THSD7A: variants seen among roughly 807,000 people sequenced by gnomAD.
THSD7A encodes thrombospondin type-1 domain-containing protein 7A.
THSD7A carries 96 observed loss-of-function variants against 231.3 expected under a neutral mutation model. The observed-to-expected ratio is 0.41, with a 90% CI of 0.35 to 0.49. THSD7A has a LOEUF of 0.49. Among genes scored for constraint, THSD7A ranks in the 20% least tolerant of loss-of-function variants. The pLI, the probability that THSD7A is intolerant of heterozygous loss-of-function variation, is 0.05. For missense variants in THSD7A, 2,290 were observed against 2,070.2 expected, an observed-to-expected ratio of 1.11 and a Z score of -2.06; for synonymous variants, 940 against 743.3, an observed-to-expected ratio of 1.26 and a Z score of -4.30.
chr7:11,474,411 C>T lies in THSD7A; in HGVS notation c.2175G>A (p.Glu725=), dbSNP rs756100691. The T allele has an allele frequency of 6.2e-7, 1 of 1,613,612 alleles. No homozygotes were observed. Among genetic ancestry groups the T allele is most frequent in the South Asian group, 1.1e-5 (1 of 91,070 alleles). ...TCTGCATGCCGACAGAGCAGGAGGCCTCCCCATTCCAAGTCGTAGTTGTGT... is the reference window on the plus strand; with the variant it reads ...TCTGCATGCCGACAGAGCAGGAGGCTTCCCCATTCCAAGTCGTAGTTGTGT... ...SFNTTTTWNG[E]ASCSVGMQTR... is the part of the protein sequence containing the mutation. Residue 725 remains glutamate, a synonymous_variant, in exon 8 of 28, where the codon GAG becomes GAA. Transcript: ENST00000423059. This position sits in a 1 kb window ranked among gnomAD's most constrained non-coding sequence, Gnocchi z 4.1.
intron 1 of THSD7A, among the ~76,000 whole-genome samples, chr7:11,661,399 T>A (rs893935585): frequency 1.3e-5 from 2 of 151,430 alleles, no homozygotes; most frequent in East Asian, 1.9e-4. Context: ...AGCTATCAGA[T>A]CTGTACTTTA....
chr7:11,655,003 A>G (rs994027308), intron 1 of THSD7A, among the ~76,000 whole-genome samples: 4 of 151,872 alleles, frequency 2.6e-5, no homozygotes, highest in Non-Finnish European at 5.9e-5. Context: ...GCAACGTTTT[A>G]TAGCCAAGAT....
intron 1 of THSD7A, among the ~76,000 whole-genome samples, chr7:11,758,339 A>G (rs769267216): frequency 3.7e-4 from 57 of 152,198 alleles, no homozygotes; most frequent in African/African-American, 1.3e-3. Flanking sequence ...AATGCTAGAT[A>G]AAATATAACA....
At chr7:11,776,730 G>A (rs1049832453) in intron 1 of THSD7A, among the ~76,000 whole-genome samples, 8 of 152,172 alleles carry the variant, frequency 5.3e-5, no homozygotes, top group African/African-American at 1.9e-4. Flanking sequence ...AAACATGGAA[G>A]TATTCTGGGA....
chr7:11,776,980 T>C (rs1010958119), intron 1 of THSD7A, among the ~76,000 whole-genome samples: 1 of 152,208 alleles, frequency 6.6e-6, no homozygotes, highest in African/African-American at 2.4e-5. Flanking sequence ...CCATTGTACG[T>C]TTGTTCATTT....
intron 4 of THSD7A, among the ~76,000 whole-genome samples, chr7:11,552,619 C>T (rs182075018): frequency 3.4e-4 from 52 of 152,032 alleles, no homozygotes; most frequent in Non-Finnish European, 1.8e-4. Context: ...GAAAAGCAGC[C>T]CCACATCATT....
At chr7:11,449,633 T>G (rs374858892) in intron 11 of THSD7A, among the ~76,000 whole-genome samples, 1 of 151,884 alleles carries the variant, frequency 6.6e-6, no homozygotes, top group African/African-American at 2.4e-5. Flanking sequence ...AAAAAGAACA[T>G]CCATATAGTT....
chr7:11,515,012 C>T (rs78625429), intron 6 of THSD7A, among the ~76,000 whole-genome samples: 1,872 of 152,136 alleles, frequency 0.012, 81 homozygotes, highest in East Asian at 0.11. Flanking sequence ...CATTTGAATC[C>T]GTCTTCTTTT....
intron 2 of THSD7A, among the ~76,000 whole-genome samples, chr7:11,596,367 G>C (rs1486232526): frequency 1.3e-5 from 2 of 152,158 alleles, no homozygotes; most frequent in Non-Finnish European, 2.9e-5. Flanking sequence ...ATTGAGGTCA[G>C]GTAACTAATG....
intron 23 of THSD7A, among the ~76,000 whole-genome samples, chr7:11,385,881 C>T (rs909716072): frequency 6.6e-6 from 1 of 152,170 alleles, no homozygotes; most frequent in African/African-American, 2.4e-5. Context: ...CCTCCACCCC[C>T]TCACAGGAAC....
chr7:11,799,723 G>A (rs1319020722), intron 1 of THSD7A, among the ~76,000 whole-genome samples: 1 of 152,048 alleles, frequency 6.6e-6, no homozygotes, highest in East Asian at 1.9e-4. Flanking sequence ...TATGCATATT[G>A]ACACAATTTG....
intron 1 of THSD7A, among the ~76,000 whole-genome samples, chr7:11,778,106 G>A (rs1251542215): frequency 1.6e-5 from 2 of 123,852 alleles, no homozygotes; most frequent in Admixed American, 2.0e-4. Context: ...GCAGTGAGCC[G>A]AGATCCCGCC....
chr7:11,815,731 C>G (rs148346509), intron 1 of THSD7A, among the ~76,000 whole-genome samples: 30 of 152,200 alleles, frequency 2.0e-4, no homozygotes, highest in African/African-American at 4.8e-4. Context: ...TTCTTTCATT[C>G]CTGGCAATAT....
intron 2 of THSD7A, among the ~76,000 whole-genome samples, chr7:11,609,152 G>C (rs1365170126): frequency 6.6e-6 from 1 of 152,066 alleles, no homozygotes; most frequent in African/African-American, 2.4e-5. Context: ...AACCTACACT[G>C]TCTGGCTCAG....
intron 23 of THSD7A, among the ~76,000 whole-genome samples, chr7:11,392,243 G>A: frequency 6.6e-6 from 1 of 151,796 alleles, no homozygotes; most frequent in East Asian, 2.0e-4. Context: ...GCCCATGGAG[G>A]GTGAGCTGAA....
intron 4 of THSD7A, among the ~76,000 whole-genome samples, chr7:11,568,656 C>CAAAAAAAAAAAAAAAAAAAAAAAAAAAAA (rs1562728058): frequency 1.1e-5 from 1 of 88,622 alleles, no homozygotes; most frequent in Non-Finnish European, 2.2e-5. Context: ...AAAAAAAAAC[C>CAAAAAAAAAAAAAAAAAAAAAAAAAAAAA]AAAATCTGGA....
chr7:11,695,936 GC>G (rs929682519), intron 1 of THSD7A, among the ~76,000 whole-genome samples: 2 of 151,514 alleles, frequency 1.3e-5, no homozygotes, highest in African/African-American at 4.8e-5. Flanking sequence ...TATTGCAGTG[GC>G]CCATGGTAAA....
At chr7:11,710,344 A>G (rs546055530) in intron 1 of THSD7A, among the ~76,000 whole-genome samples, 1 of 150,974 alleles carries the variant, frequency 6.6e-6, no homozygotes, top group African/African-American at 2.4e-5. Context: ...TGTAACTCAC[A>G]TTTGTTTCAG....
intron 17 of THSD7A, among the ~76,000 whole-genome samples, chr7:11,414,475 C>G (rs1783893624): frequency 6.6e-6 from 1 of 152,192 alleles, no homozygotes; most frequent in Non-Finnish European, 1.5e-5. Flanking sequence ...TTACTGTTCC[C>G]TTTCCATTCC....
Sources: gnomAD v4.1 joint callset for allele counts (sites outside exome capture counted in the v4.1 genomes callset) on GRCh38, gnomAD v4.1.1 for gene constraint, Gnocchi (gnomAD v3.1) non-coding constraint, MANE v1.5 for transcripts, NCBI Gene and HGNC (gene_info 2026-07-23, HGNC 2026-07-21) for gene names.